The following CACNA1C variants were observed in gnomAD, a reference collection of about 807,000 sequenced individuals.
The protein encoded by CACNA1C is voltage-dependent L-type calcium channel subunit alpha-1C.
A neutral mutation model predicts 229.0 loss-of-function variants in CACNA1C; 30 were observed. The observed-to-expected ratio is 0.13, with a 90% CI of 0.10 to 0.18. The LOEUF is 0.18. Ranked by LOEUF, CACNA1C falls within the 10% of genes least tolerant of loss-of-function variation. The probability of loss-of-function intolerance (pLI) is 1.00; values close to 1 mark genes in which losing one functional copy is unlikely to be tolerated. For synonymous variants in CACNA1C, 1,114 were observed against 1,132.5 expected (o/e 0.98, Z 0.33); for missense variants, 1,658 against 2,845.0 (o/e 0.58, Z 9.49).
intron 6 of CACNA1C, among the ~76,000 whole-genome samples, chr12:2,491,423 G>A (rs1334586648): frequency 1.3e-5 from 2 of 151,924 alleles, no homozygotes; most frequent in Non-Finnish European, 2.9e-5. Flanking sequence ...AGAAAGAGAG[G>A]AGAGGAGAAG....
chr12:2,265,472 G>A (rs1337738961), intron 3 of CACNA1C, among the ~76,000 whole-genome samples: 1 of 152,166 alleles, frequency 6.6e-6, no homozygotes, highest in Admixed American at 6.5e-5. Flanking sequence ...AGAGTGGGGG[G>A]CTGGAACGTT....
intron 1 of CACNA1C, among the ~76,000 whole-genome samples, chr12:1,979,177 T>A (rs940092401): frequency 4.6e-5 from 7 of 152,200 alleles, no homozygotes; most frequent in Non-Finnish European, 1.0e-4. Context: ...CGAGCCTGGC[T>A]AATTTTTTTT....
At chr12:2,303,929 G>C (rs962146797) in intron 3 of CACNA1C, among the ~76,000 whole-genome samples, 1 of 152,214 alleles carries the variant, frequency 6.6e-6, no homozygotes, top group African/African-American at 2.4e-5. Context: ...TTGCACCCCA[G>C]TTCGTATCTG....
chr12:2,129,728 C>CT (rs1404129475), intron 3 of CACNA1C, among the ~76,000 whole-genome samples: 1 of 152,186 alleles, frequency 6.6e-6, no homozygotes, highest in East Asian at 1.9e-4. Flanking sequence ...GTCAGGAGAG[C>CT]TAAGCAACCC....
chr12:2,055,291 A>G (rs1422634708), intron 1 of CACNA1C, among the ~76,000 whole-genome samples: 2 of 152,172 alleles, frequency 1.3e-5, no homozygotes, highest in Admixed American at 1.3e-4. Flanking sequence ...GGGATGCAAG[A>G]TGACTCCCCT....
At chr12:2,606,562 GA>G (rs754886426) in intron 24 of CACNA1C, 48 bp from the exon 25 acceptor site, 3 of 1,476,210 alleles carry the variant, frequency 2.0e-6, no homozygotes, top group Non-Finnish European at 2.8e-6. Context: ...CTTTTGGATT[GA>G]CTCATTGATT....
chr12:2,540,262 C>G (rs1266995011), intron 9 of CACNA1C, among the ~76,000 whole-genome samples: 1 of 152,144 alleles, frequency 6.6e-6, no homozygotes. Context: ...TAGGAGTCCC[C>G]TTAAAACCCC....
intron 3 of CACNA1C, among the ~76,000 whole-genome samples, chr12:2,362,450 G>A (rs565255527): frequency 1.6e-3 from 247 of 152,194 alleles, no homozygotes; most frequent in Non-Finnish European, 2.6e-3. Flanking sequence ...TGTGGCACGC[G>A]GAAGTCCTTC....
At chr12:2,223,194 C>T (rs1317136801) in intron 3 of CACNA1C, among the ~76,000 whole-genome samples, 2 of 152,184 alleles carry the variant, frequency 1.3e-5, no homozygotes, top group Non-Finnish European at 2.9e-5. Context: ...GGAGTCACAC[C>T]TCCAAAAAGA....
At chr12:2,494,763 T>G (rs1055100006) in intron 7 of CACNA1C, among the ~76,000 whole-genome samples, 1 of 152,220 alleles carries the variant, frequency 6.6e-6, no homozygotes, top group Non-Finnish European at 1.5e-5. Flanking sequence ...TGATTCAGAA[T>G]CCCTCTTTCT....
intron 5 of CACNA1C, among the ~76,000 whole-genome samples, chr12:2,461,808 C>G (rs1459969857): frequency 2.0e-5 from 3 of 152,216 alleles, no homozygotes; most frequent in Non-Finnish European, 4.4e-5. Flanking sequence ...GAATTTGTCT[C>G]TTACCACCTG....
chr12:2,370,925 C>T (rs2097849940), intron 3 of CACNA1C, among the ~76,000 whole-genome samples: 1 of 152,102 alleles, frequency 6.6e-6, no homozygotes, highest in Non-Finnish European at 1.5e-5. Context: ...CTCGTCTGCT[C>T]TCCAAGTTTA....
intron 3 of CACNA1C, among the ~76,000 whole-genome samples, chr12:2,382,509 C>T (rs1313711145): frequency 6.6e-6 from 1 of 152,172 alleles, no homozygotes; most frequent in Non-Finnish European, 1.5e-5. Flanking sequence ...AGCCACAGCA[C>T]AAGAAGCTTA....
intron 3 of CACNA1C, among the ~76,000 whole-genome samples, chr12:2,441,541 G>A (rs950841850): frequency 6.6e-6 from 1 of 152,214 alleles, no homozygotes; most frequent in African/African-American, 2.4e-5. Flanking sequence ...TCCGTCCCAT[G>A]TCCTAAAATC....
chr12:2,407,119 A>G (rs532888115), intron 3 of CACNA1C, among the ~76,000 whole-genome samples: 169 of 152,278 alleles, frequency 1.1e-3, no homozygotes, highest in Non-Finnish European at 2.1e-3. Flanking sequence ...CCTCACCGAC[A>G]CCGCAGCGAG....
chr12:2,605,112 C>A lies in CACNA1C; in HGVS notation c.2992C>A (p.Arg998=). ...SSAINVVKIL[R]VLRVLRPLRA... ...TGCAATCAATGTCGTGAAGATCTTG[C>A]GAGTCCTGCGAGTACTCAGGCCCCT... is the stretch of plus-strand genomic sequence containing the variant. The change falls in exon 23 of 47, where the codon CGA becomes AGA. Residue 998 remains arginine (R), a synonymous_variant. Coordinates refer to ENST00000399655, the MANE Select transcript of CACNA1C (RefSeq NM_000719.7). The surrounding 1 kb of genome is among the most constrained non-coding windows in gnomAD (Gnocchi z 6.2). 3 of 1,613,592 alleles carry A rather than the reference C, an allele frequency of 1.9e-6. No individual in the cohort carries two copies. Among genetic ancestry groups the A allele is most frequent in the South Asian group, 2.2e-5 (2 of 91,068 alleles).
At chr12:2,592,399 A>C (rs1230131132) in intron 18 of CACNA1C, among the ~76,000 whole-genome samples, 1 of 152,240 alleles carries the variant, frequency 6.6e-6, no homozygotes, top group African/African-American at 2.4e-5. Flanking sequence ...CACGGCTAGA[A>C]AGAAACAGAG....
intron 1 of CACNA1C, among the ~76,000 whole-genome samples, chr12:2,005,074 A>G (rs921108273): frequency 6.6e-6 from 1 of 152,130 alleles, no homozygotes; most frequent in African/African-American, 2.4e-5. Context: ...GTTTAACCCA[A>G]TCAAGGCAGG....
chr12:1,989,294 TGCCATGGCACTCCA>T (rs2038720712), intron 1 of CACNA1C, among the ~76,000 whole-genome samples: 2 of 152,196 alleles, frequency 1.3e-5, no homozygotes, highest in African/African-American at 4.8e-5. Flanking sequence ...CTATGACCAA[TGCCATGGCACTCCA>T]GCCTGGGTGA....
Sources: allele counts gnomAD v4.1 joint callset (sites outside exome capture counted in the v4.1 genomes callset), GRCh38; gene constraint gnomAD v4.1.1; non-coding constraint Gnocchi (gnomAD v3.1); transcripts MANE v1.5; gene names NCBI Gene and HGNC (gene_info 2026-07-23, HGNC 2026-07-21).